The following USP39 variants were observed in gnomAD, a reference collection of about 807,000 sequenced individuals.
The protein encoded by USP39 is ubiquitin specific peptidase 39.
USP39 carries 38 observed loss-of-function variants against 66.4 expected under a neutral mutation model. The ratio of observed to expected loss-of-function variants is 0.57; its 90% CI spans 0.44 to 0.75. The LOEUF is 0.75. USP39 is among the 30% of genes least tolerant of loss of function. USP39 has a pLI of 0.00. For missense variants in USP39, 608 were observed against 714.4 expected, an observed-to-expected ratio of 0.85 and a Z score of 1.70; for synonymous variants, 303 against 274.6, an observed-to-expected ratio of 1.10 and a Z score of -1.02.
intron 11 of USP39, among the ~76,000 whole-genome samples, chr2:85,647,679 A>C (rs1327281501): frequency 6.6e-6 from 1 of 151,962 alleles, no homozygotes; most frequent in African/African-American, 2.4e-5. Context: ...AAAAACAAAA[A>C]AACAACAAAC....
At chr2:85,646,329 T>G (rs1676646257) in intron 11 of USP39, among the ~76,000 whole-genome samples, 1 of 152,276 alleles carries the variant, frequency 6.6e-6, no homozygotes, top group Non-Finnish European at 1.5e-5. Context: ...TAATCTTAAC[T>G]AGCTTCTGTT....
chr2:85,614,376 T>A (rs1051801681), upstream of USP39, among the ~76,000 whole-genome samples: 3 of 152,036 alleles, frequency 2.0e-5, no homozygotes, highest in African/African-American at 7.2e-5. Flanking sequence ...TAGCCGGGCA[T>A]GGTGGCAGGT....
chr2:85,636,197 A>G (rs955097271), intron 7 of USP39, 67 bp downstream of exon 7: 51 of 1,457,004 alleles, frequency 3.5e-5, no homozygotes, highest in Non-Finnish European at 4.2e-5. Flanking sequence ...GTCGGTCGCA[A>G]TGGCTCATGC....
intron 11 of USP39, among the ~76,000 whole-genome samples, 188 bp from the exon 12 acceptor site, chr2:85,647,742 G>A (rs1676757469): frequency 6.6e-6 from 1 of 151,856 alleles, no homozygotes. Flanking sequence ...TGCCATGATT[G>A]ACACACCAAA....
chr2:85,612,280 A>C, upstream of USP39: 1 of 1,527,548 alleles, frequency 6.5e-7, no homozygotes, highest in African/African-American at 1.4e-5. Context: ...CTTACAGCTG[A>C]TACCAGAACC....
upstream of USP39, chr2:85,616,161 G>A (rs1384353130): frequency 2.9e-6 from 4 of 1,392,102 alleles, no homozygotes; most frequent in East Asian, 1.1e-4. Context: ...GAGCGTGCTT[G>A]GCGCCTGCGC....
chr2:85,646,224 A>G (rs2104363544), intron 11 of USP39: 1 of 152,364 alleles, frequency 6.6e-6, no homozygotes, highest in African/African-American at 2.4e-5. Context: ...CAAGTTGAAA[A>G]CAGATAAAAC....
chr2:85,619,593 G>A (rs1184381958), intron 2 of USP39, among the ~76,000 whole-genome samples: 1 of 149,834 alleles, frequency 6.7e-6, no homozygotes, highest in African/African-American at 2.5e-5. Flanking sequence ...TTGGGTGCCT[G>A]GGATTCAGCA....
At chr2:85,635,196 T>C (rs954118168) in intron 6 of USP39, among the ~76,000 whole-genome samples, 11 of 152,214 alleles carry the variant, frequency 7.2e-5, no homozygotes, top group African/African-American at 2.7e-4. Context: ...AGATATACTA[T>C]AGTCTTTGAG....
Position 85,616,324 on chromosome 2 carries a change from C to T in USP39, c.129C>T (p.Ser43=), listed in dbSNP as rs1673939253. ...DREREPEAAS[S]RGSPVRVKRE... Reference sequence around the variant, plus strand: ...AGCGGGAGCCTGAGGCGGCGAGCTCCCGGGGCAGCCCTGTGCGCGTGAAGC... The same window carrying T: ...AGCGGGAGCCTGAGGCGGCGAGCTCTCGGGGCAGCCCTGTGCGCGTGAAGC... Residue 43 remains serine, a synonymous_variant, in exon 1 of 13, where the codon TCC becomes TCT. Transcript: ENST00000323701. 1.3e-6 allele frequency: 2 copies of T among 1,588,858 alleles called. No individual in the cohort carries two copies. Among genetic ancestry groups the T allele is most frequent in the South Asian group, 1.1e-5 (1 of 88,480 alleles).
At chr2:85,647,193 A>T (rs1245616372) in intron 11 of USP39, among the ~76,000 whole-genome samples, 3 of 152,034 alleles carry the variant, frequency 2.0e-5, no homozygotes, top group Non-Finnish European at 4.4e-5. Context: ...CCAGCCAGGA[A>T]TGTCCATATT....
In USP39 at chr2:85,636,044, T is replaced by C. The variant is rs1318390927; in HGVS notation, c.950-9T>C. On this transcript the variant is annotated splice_polypyrimidine_tract_variant and intron_variant, in intron 6 of 12. Transcript: ENST00000323701. ...GCTTCAACGTTTTCCACCCTTCCTT[T>C]TTTTCCAGGAGATGGCGTTGACTTT... 6.2e-7 allele frequency: 1 copy of C among 1,614,022 alleles called. No homozygotes were observed. The highest frequency in any genetic ancestry group is 1.3e-5 in the African/African-American group (1 of 74,920).
At chr2:85,623,430 G>A (rs937508294) in intron 3 of USP39, among the ~76,000 whole-genome samples, 4 of 151,302 alleles carry the variant, frequency 2.6e-5, no homozygotes, top group Admixed American at 1.3e-4. Context: ...CAATGTCTTA[G>A]GCCATTTAGA....
At chr2:85,630,615 A>G (rs1049105153) in intron 5 of USP39, 106 bp from the exon 6 acceptor site, 11 of 1,118,518 alleles carry the variant, frequency 9.8e-6, no homozygotes, top group Non-Finnish European at 1.3e-5. Context: ...CTTTAAGGCC[A>G]TCACAGGCAC....
At position 85,622,122 on chromosome 2, in the gene USP39, AT is replaced by A. The variant is rs1196215457; in HGVS notation, c.433+557del. ...GGCGTGAGCCACCGCGCCCGGCCTA[AT>A]TTTTTTTTTTTTTAAGAGATGGAGT... On this transcript the variant is annotated intron_variant, in intron 3 of 12. Coordinates refer to ENST00000323701, the MANE Select transcript of USP39 (RefSeq NM_006590.4). Among the ~76,000 whole-genome samples the A allele has an allele frequency of 4.5e-3, 633 of 140,924 alleles. 1 individual carries two copies. The highest frequency in any genetic ancestry group is 5.3e-3 in the Non-Finnish European group (337 of 64,170). The allele number at this position is 140,924 out of a possible 152,430, so 92.5% of individuals were successfully genotyped here. A position where few individuals can be genotyped will look rare whatever the true frequency, so the allele number is the denominator to read the frequency against.
intron 8 of USP39, among the ~76,000 whole-genome samples, chr2:85,638,879 C>T (rs1451996606): frequency 2.0e-5 from 3 of 150,600 alleles, no homozygotes; most frequent in African/African-American, 7.4e-5. Context: ...CACTGTGTTG[C>T]CCAGGCTGGT....
intron 7 of USP39, among the ~76,000 whole-genome samples, chr2:85,636,799 G>C (rs1363831023): frequency 6.6e-6 from 1 of 152,206 alleles, no homozygotes; most frequent in Non-Finnish European, 1.5e-5. Context: ...GTGGGATTGT[G>C]GCCTGTTGCT....
chr2:85,648,914 GC>G lies in USP39; in HGVS notation c.*109del. ...GCTGGCTGGTGGGCTTCCTAGGCCA[GC>G]CCAGCTTGTATGGGTTCTGGCTACA... is the stretch of plus-strand genomic sequence containing the variant. On this transcript the variant is annotated 3_prime_UTR_variant, in exon 13 of 13. Coordinates refer to ENST00000323701, the MANE Select transcript of USP39 (RefSeq NM_006590.4). 7.2e-7 allele frequency: 1 copy of G among 1,386,818 alleles called. No homozygotes were observed. Among genetic ancestry groups the G allele is most frequent in the Non-Finnish European group, 1.0e-6 (1 of 987,320 alleles). The allele number at this position is 1,386,818 out of a possible 1,614,324, so 85.9% of individuals were successfully genotyped here.
At position 85,630,910 on chromosome 2, in the gene USP39, C is replaced by G. The variant is rs757223057; in HGVS notation, c.913C>G (p.Leu305Val). The G allele has an allele frequency of 3.4e-5, 55 of 1,614,088 alleles. No individual in the cohort carries two copies. The highest frequency in any genetic ancestry group is 4.6e-5 in the Non-Finnish European group (54 of 1,180,064). ...SPHEMLQAVV[L>V]CSKKTFQITK... The stretch of plus-strand genomic sequence containing the variant: ...CCATGAGATGCTTCAGGCAGTTGTA[C>G]TTTGCAGTAAGAAGACTTTTCAGAT... The change falls in exon 6 of 13, where the codon CTT (leucine) becomes GTT (valine). Residue 305 changes from leucine to valine, a missense_variant. Around this residue, in one of 6 missense-constraint regions of USP39, gnomAD observed 72 missense variants for 60.1 expected, o/e 1.20. Coordinates refer to ENST00000323701, the MANE Select transcript of USP39 (RefSeq NM_006590.4).
Sources: allele counts gnomAD v4.1 joint callset (sites outside exome capture counted in the v4.1 genomes callset), GRCh38; gene constraint gnomAD v4.1.1; regional missense constraint gnomAD v4.1.1; transcripts MANE v1.5; gene names NCBI Gene and HGNC (gene_info 2026-07-23, HGNC 2026-07-21).